The following IMMP2L variants were observed in gnomAD, a reference collection of about 807,000 sequenced individuals.
IMMP2L encodes mitochondrial inner membrane protease subunit 2.
In IMMP2L, 18 loss-of-function variants were observed where a neutral mutation model predicts 19.3. The observed-to-expected ratio is 0.93, with a 90% CI of 0.64 to 1.38. The LOEUF (loss-of-function observed/expected upper bound fraction) is 1.38. Among genes scored for constraint, IMMP2L ranks in the 40% most tolerant of loss-of-function variants. The pLI is 0.00. For synonymous variants in IMMP2L, 76 were observed against 73.0 expected (o/e 1.04, Z -0.21); for missense variants, 233 against 218.2 (o/e 1.07, Z -0.43).
chr7:111,450,298 T>C (rs1361651278), intron 3 of IMMP2L, among the ~76,000 whole-genome samples: 1 of 151,474 alleles, frequency 6.6e-6, no homozygotes, highest in Non-Finnish European at 1.5e-5. Flanking sequence ...TCACACTACA[T>C]GACTTCAAAC....
At chr7:111,288,519 T>C (rs1820740664) in intron 3 of IMMP2L, among the ~76,000 whole-genome samples, 1 of 152,126 alleles carries the variant, frequency 6.6e-6, no homozygotes, top group South Asian at 2.1e-4. Flanking sequence ...TTTTGCAATC[T>C]ATCCATCTGA....
intron 3 of IMMP2L, among the ~76,000 whole-genome samples, chr7:111,062,631 A>T (rs1794124917): frequency 6.6e-6 from 1 of 152,240 alleles, no homozygotes; most frequent in Non-Finnish European, 1.5e-5. Flanking sequence ...TAAAATCAAA[A>T]GCAAGTTTGT....
At chr7:110,867,753 G>C (rs1808124123) in intron 5 of IMMP2L, among the ~76,000 whole-genome samples, 1 of 151,934 alleles carries the variant, frequency 6.6e-6, no homozygotes, top group Non-Finnish European at 1.5e-5. Flanking sequence ...CCAGGCCTTT[G>C]TTTGAAAACT....
chr7:111,291,940 G>C (rs761779700), intron 3 of IMMP2L, among the ~76,000 whole-genome samples: 10 of 152,104 alleles, frequency 6.6e-5, no homozygotes, highest in Non-Finnish European at 1.3e-4. Context: ...ATCTCCACAA[G>C]CTTCCAAGGA....
intron 4 of IMMP2L, among the ~76,000 whole-genome samples, chr7:110,895,802 A>AAATTGT (rs1271809560): frequency 6.6e-6 from 1 of 152,122 alleles, no homozygotes; most frequent in Non-Finnish European, 1.5e-5. Context: ...AGATATTTTA[A>AAATTGT]AATTGTAACT....
chr7:111,316,589 A>G (rs1297574155), intron 3 of IMMP2L, among the ~76,000 whole-genome samples: 1 of 152,124 alleles, frequency 6.6e-6, no homozygotes, highest in Non-Finnish European at 1.5e-5. Context: ...TAAATTTAAC[A>G]CACACATTTC....
chr7:111,356,439 T>C (rs965868182), intron 3 of IMMP2L, among the ~76,000 whole-genome samples: 1 of 152,104 alleles, frequency 6.6e-6, no homozygotes, highest in African/African-American at 2.4e-5. Context: ...AGGATCTACA[T>C]AGGTTATAAG....
Position 111,321,052 on chromosome 7 carries a change from T to A in IMMP2L, c.239+166186A>T, listed in dbSNP as rs116153189. ...AAGAAAATATGGCCACCAAAATGTG[T>A]ATGAACTAAGTATTCTCCAATCTGC... On this transcript the variant is annotated intron_variant, in intron 3 of 5. Coordinates refer to ENST00000405709, the MANE Select transcript of IMMP2L (RefSeq NM_032549.4). Among the ~76,000 whole-genome samples, 1,350 of 152,150 alleles carry A rather than the reference T, an allele frequency of 8.9e-3. 25 individuals are homozygous for A. The highest frequency in any genetic ancestry group is 0.031 in the African/African-American group (1,294 of 41,544).
intron 3 of IMMP2L, among the ~76,000 whole-genome samples, chr7:110,995,710 C>A (rs1037503760): frequency 6.6e-6 from 1 of 152,030 alleles, no homozygotes; most frequent in Admixed American, 6.6e-5. Context: ...GCCATGAAAC[C>A]CATTAGGAAC....
chr7:111,201,715 CAA>C (rs111870526), intron 3 of IMMP2L, among the ~76,000 whole-genome samples: 25 of 102,568 alleles, frequency 2.4e-4, no homozygotes, highest in Admixed American at 3.1e-4. Flanking sequence ...GACCCTGTCT[CAA>C]AAAAAAAAAA....
chr7:110,670,138 C>A (rs139595243), intron 5 of IMMP2L, among the ~76,000 whole-genome samples: 38 of 151,994 alleles, frequency 2.5e-4, no homozygotes, highest in Non-Finnish European at 4.9e-4. Flanking sequence ...AGTGACCTTA[C>A]GAGAAGAGGA....
intron 3 of IMMP2L, among the ~76,000 whole-genome samples, chr7:111,237,099 C>T (rs1020475404): frequency 6.6e-6 from 1 of 151,778 alleles, no homozygotes; most frequent in Admixed American, 6.6e-5. Flanking sequence ...CAAATAATAC[C>T]CAAAAGAAGA....
chr7:111,114,928 C>A (rs1366247882), intron 3 of IMMP2L, among the ~76,000 whole-genome samples: 1 of 152,126 alleles, frequency 6.6e-6, no homozygotes, highest in Non-Finnish European at 1.5e-5. Flanking sequence ...CAATAGCCTA[C>A]TGTTAAAGTG....
At chr7:111,109,837 CTTAAAA>C (rs1798986042) in intron 3 of IMMP2L, among the ~76,000 whole-genome samples, 1 of 152,058 alleles carries the variant, frequency 6.6e-6, no homozygotes, top group African/African-American at 2.4e-5. Flanking sequence ...GGAAAGGGCC[CTTAAAA>C]AGTCTTCAGG....
At chr7:110,820,081 G>A (rs1407375385) in intron 5 of IMMP2L, among the ~76,000 whole-genome samples, 5 of 151,778 alleles carry the variant, frequency 3.3e-5, no homozygotes, top group African/African-American at 9.7e-5. Context: ...AAAAATCTAG[G>A]CTCAGTTTTA....
At chr7:111,539,190 AGG>A (rs1563330446) in intron 1 of IMMP2L, among the ~76,000 whole-genome samples, 13 of 59,014 alleles carry the variant, frequency 2.2e-4, no homozygotes, top group African/African-American at 1.0e-3. Context: ...GAAGGAAGGA[AGG>A]AGGGAGAAAG....
At chr7:110,751,240 G>A (rs1046994084) in intron 5 of IMMP2L, among the ~76,000 whole-genome samples, 2 of 151,292 alleles carry the variant, frequency 1.3e-5, no homozygotes, top group Non-Finnish European at 2.9e-5. Context: ...CAGTGCATTA[G>A]TATTTACAAA....
intron 3 of IMMP2L, among the ~76,000 whole-genome samples, chr7:111,033,780 A>T (rs1345913903): frequency 6.6e-6 from 1 of 152,246 alleles, no homozygotes; most frequent in Non-Finnish European, 1.5e-5. Context: ...ACATGAAAAC[A>T]TATCAATACA....
At chr7:111,553,474 T>C (rs1394601197) in intron 1 of IMMP2L, among the ~76,000 whole-genome samples, 1 of 152,182 alleles carries the variant, frequency 6.6e-6, no homozygotes, top group Non-Finnish European at 1.5e-5. Flanking sequence ...TTGTGCTCTG[T>C]GGAGTTGTTA....
Sources: allele counts gnomAD v4.1 joint callset (sites outside exome capture counted in the v4.1 genomes callset), GRCh38; gene constraint gnomAD v4.1.1; transcripts MANE v1.5; gene names NCBI Gene and HGNC (gene_info 2026-07-23, HGNC 2026-07-21).